The following SLC17A6 variants were observed in gnomAD, a reference collection of about 807,000 sequenced individuals.
SLC17A6 encodes vesicular glutamate transporter 2.
SLC17A6 carries 35 observed loss-of-function variants against 67.1 expected under a neutral mutation model. The observed-to-expected ratio is 0.52, with a 90% CI of 0.40 to 0.69. SLC17A6 has a LOEUF of 0.69. Among genes scored for constraint, SLC17A6 ranks in the 30% least tolerant of loss-of-function variants. The pLI is 0.00. For synonymous variants in SLC17A6, 285 were observed against 252.3 expected (o/e 1.13, Z -1.23); for missense variants, 588 against 723.9 (o/e 0.81, Z 2.15).
rs543811415 is a variant in SLC17A6 at position 22,365,769 on chromosome 11, C to A, written c.891+80C>A. 4.1e-6 allele frequency: 6 copies of A among 1,450,000 alleles called. No homozygotes were observed. The South Asian group carries it at 7.2e-5, about 17-fold the overall frequency. The allele number at this position is 1,450,000 out of a possible 1,614,324, so 89.8% of individuals were successfully genotyped here. A position where few individuals can be genotyped will look rare whatever the true frequency, so the allele number is the denominator to read the frequency against. ...GACCAACCAAACTATCTTACAAGTT[C>A]TTCCTCAGCAAAACTAATTTGGTAT... On this transcript the variant is annotated intron_variant, in intron 7 of 11. Coordinates refer to ENST00000263160, the MANE Select transcript of SLC17A6 (RefSeq NM_020346.3).
chr11:22,360,245 A>T (rs1462848890), intron 4 of SLC17A6, among the ~76,000 whole-genome samples: 1 of 152,154 alleles, frequency 6.6e-6, no homozygotes, highest in Admixed American at 6.6e-5. Context: ...CAAACACTGC[A>T]TGTTGTCACT....
chr11:22,352,053 G>A (rs1302759277), intron 3 of SLC17A6, among the ~76,000 whole-genome samples: 2 of 145,004 alleles, frequency 1.4e-5, no homozygotes, highest in Non-Finnish European at 3.0e-5. Context: ...TTAATGAATG[G>A]TGAGGTTCTT....
intron 9 of SLC17A6, among the ~76,000 whole-genome samples, chr11:22,375,204 C>T (rs769454607): frequency 5.9e-5 from 9 of 151,418 alleles, no homozygotes; most frequent in African/African-American, 9.7e-5. Flanking sequence ...AACCCCATCT[C>T]GACTAAAAAC....
chr11:22,353,163 G>A (rs1279862439), intron 3 of SLC17A6, among the ~76,000 whole-genome samples: 1 of 152,038 alleles, frequency 6.6e-6, no homozygotes, highest in Non-Finnish European at 1.5e-5. Flanking sequence ...CATTTATTAT[G>A]GACCATACAG....
At chr11:22,341,805 C>A (rs1484578956) in intron 2 of SLC17A6, 25 bp downstream of exon 2, 6 of 1,610,892 alleles carry the variant, frequency 3.7e-6, no homozygotes, top group Non-Finnish European at 4.2e-6. Flanking sequence ...GCCGCCCTGG[C>A]TCCTGCCCTT....
At chr11:22,366,466 T>C (rs999287719) in intron 7 of SLC17A6, among the ~76,000 whole-genome samples, 17 of 152,300 alleles carry the variant, frequency 1.1e-4, no homozygotes, top group Admixed American at 1.1e-3. Flanking sequence ...AATTATAACA[T>C]AATTTAATTA....
chr11:22,370,513 AC>A (rs1213309737), intron 8 of SLC17A6, among the ~76,000 whole-genome samples: 1 of 152,114 alleles, frequency 6.6e-6, no homozygotes, highest in Non-Finnish European at 1.5e-5. Context: ...GTCTCAGCTC[AC>A]AGACAATGTA....
At position 22,367,281 on chromosome 11, in the gene SLC17A6, T is replaced by TA. The variant is rs748609871; in HGVS notation, c.891+1605dup. Among the ~76,000 whole-genome samples the TA allele has an allele frequency of 1.1e-3, 164 of 143,128 alleles. 1 individual carries two copies. The highest frequency in any genetic ancestry group is 1.6e-3 in the East Asian group (8 of 4,988). The allele number at this position is 143,128 out of a possible 152,430, so 93.9% of individuals were successfully genotyped here. On this transcript the variant is annotated intron_variant, in intron 7 of 11. Transcript: ENST00000263160. ...CTGTCTTTGACATCTCATCATAGGT[T>TA]AAAAAAAAAAAAAGTCTATCACCCA...
intron 2 of SLC17A6, 150 bp from the exon 3 acceptor site, chr11:22,343,097 T>C (rs1855835706): frequency 2.7e-6 from 2 of 735,086 alleles, no homozygotes; most frequent in East Asian, 2.5e-5. Flanking sequence ...GAGGCAATTT[T>C]GTTAGGAAAC....
At position 22,370,226 on chromosome 11, in the gene SLC17A6, C is replaced by T. The variant is rs764920910; in HGVS notation, c.1041+38C>T. ...TATTCTTATATAAATTGTGGATTAC[C>T]TGTGTATTTAAGTGAATACTAAATT... is the stretch of plus-strand genomic sequence containing the variant. On this transcript the variant is annotated intron_variant, in intron 8 of 11. Coordinates refer to ENST00000263160, the MANE Select transcript of SLC17A6 (RefSeq NM_020346.3). 3.9e-6 allele frequency: 6 copies of T among 1,543,036 alleles called. No homozygotes were observed. In the South Asian group the frequency reaches 6.1e-5, roughly 16 times the overall value.
At chr11:22,357,665 A>G (rs553756384) in intron 3 of SLC17A6, among the ~76,000 whole-genome samples, 18 of 152,352 alleles carry the variant, frequency 1.2e-4, no homozygotes, top group Admixed American at 9.8e-4. Context: ...CAAACCCTTC[A>G]AAAAGGGAGA....
chr11:22,354,013 T>G (rs962556302), intron 3 of SLC17A6, among the ~76,000 whole-genome samples: 6 of 152,324 alleles, frequency 3.9e-5, no homozygotes, highest in Non-Finnish European at 8.8e-5. Flanking sequence ...AATCTGTATT[T>G]TAACAAGGCC....
chr11:22,375,034 T>A, intron 9 of SLC17A6, 147 bp downstream of exon 9: 1 of 843,666 alleles, frequency 1.2e-6, no homozygotes, highest in Non-Finnish European at 1.7e-6. Flanking sequence ...TTCCTCATAT[T>A]ACATCAAATT....
Position 22,373,641 on chromosome 11 carries a change from C to T in SLC17A6, c.1042-1114C>T, listed in dbSNP as rs1443314745. ...AAAGGCTAAGAGCCCAGTCTTTCGA[C>T]TCACGTAGAACTGATTCAAAACTTG... is the stretch of plus-strand genomic sequence containing the variant. On this transcript the variant is annotated intron_variant, in intron 8 of 11. Transcript: ENST00000263160. 3.9e-5 allele frequency among the ~76,000 whole-genome samples: 6 copies of T among 152,290 alleles called. No individual in the cohort carries two copies. The East Asian group carries it at 9.6e-4, about 24-fold the overall frequency.
Position 22,377,549 on chromosome 11 carries a change from C to A in SLC17A6, c.1558C>A (p.His520Asn), listed in dbSNP as rs1379087293. Residue 520 changes from histidine (H) to asparagine (N), a missense_variant, in exon 12 of 12, where the codon CAT (histidine) becomes AAT (asparagine). Coordinates refer to ENST00000263160, the MANE Select transcript of SLC17A6 (RefSeq NM_020346.3). The stretch of plus-strand genomic sequence containing the variant: ...AAGTGAAGAAAAATGTGGATTTATT[C>A]ATGAAGATGAACTCGATGAAGAAAC... The part of the protein sequence containing the change: ...ETSEEKCGFI[H>N]EDELDEETGD... The A allele has an allele frequency of 5.0e-6, 8 of 1,614,074 alleles. No homozygotes were observed. The highest frequency in any genetic ancestry group is 6.8e-6 in the Non-Finnish European group (8 of 1,180,002).
At position 22,363,583 on chromosome 11, in the gene SLC17A6, A is replaced by C. The variant is rs558393724; in HGVS notation, c.748+758A>C. 3.9e-5 allele frequency among the ~76,000 whole-genome samples: 6 copies of C among 152,294 alleles called. No individual in the cohort carries two copies. In the South Asian group the frequency reaches 1.2e-3, roughly 32 times the overall value. On this transcript the variant is annotated intron_variant, in intron 6 of 11. Coordinates refer to ENST00000263160, the MANE Select transcript of SLC17A6 (RefSeq NM_020346.3). ...AATATTAATGAAGTCATGTGGTAGA[A>C]CAGTATCTGGCTGCTTCTAAATTTG...
chr11:22,356,629 G>A (rs552828529), intron 3 of SLC17A6, among the ~76,000 whole-genome samples: 9 of 152,122 alleles, frequency 5.9e-5, no homozygotes, highest in Admixed American at 5.2e-4. Flanking sequence ...GAGGTCAGGA[G>A]TTCAAGACCA....
chr11:22,363,079 T>G (rs1162593783), intron 6 of SLC17A6, among the ~76,000 whole-genome samples: 1 of 152,200 alleles, frequency 6.6e-6, no homozygotes, highest in African/African-American at 2.4e-5. Flanking sequence ...AGTAAATCTA[T>G]GTCCTTCATT....
chr11:22,373,401 T>C (rs1856195733), intron 8 of SLC17A6, among the ~76,000 whole-genome samples: 1 of 152,106 alleles, frequency 6.6e-6, no homozygotes, highest in South Asian at 2.1e-4. Context: ...ATATATTTAC[T>C]CCATATTAAG....
Sources: allele counts gnomAD v4.1 joint callset (sites outside exome capture counted in the v4.1 genomes callset), GRCh38; gene constraint gnomAD v4.1.1; transcripts MANE v1.5; gene names NCBI Gene and HGNC (gene_info 2026-07-23, HGNC 2026-07-21).